The following SOX5 variants were observed in gnomAD, a reference collection of about 807,000 sequenced individuals.
SOX5 encodes transcription factor SOX-5.
SOX5 carries 9 observed loss-of-function variants against 92.0 expected under a neutral mutation model. The ratio of observed to expected loss-of-function variants is 0.10; its 90% confidence interval spans 0.06 to 0.17. SOX5 has a LOEUF of 0.17. Ranked by LOEUF, SOX5 falls within the 10% of genes least tolerant of loss-of-function variation. SOX5 has a pLI of 1.00. For synonymous variants in SOX5, 344 were observed against 336.3 expected, an observed-to-expected ratio of 1.02 and a Z score of -0.25; for missense variants, 642 against 944.5, an observed-to-expected ratio of 0.68 and a Z score of 4.20.
At chr12:23,826,343 A>G (rs546176163) in intron 3 of SOX5, among the ~76,000 whole-genome samples, 1 of 152,190 alleles carries the variant, frequency 6.6e-6, no homozygotes, top group Non-Finnish European at 1.5e-5. Context: ...TTCATTTCTA[A>G]TGATTCCCAT....
At chr12:24,094,335 T>C (rs1222976556) in intron 4 of SOX5, among the ~76,000 whole-genome samples, 2 of 152,208 alleles carry the variant, frequency 1.3e-5, no homozygotes, top group Non-Finnish European at 2.9e-5. Context: ...TTCCATAAAA[T>C]GTCTGTTTAT....
intron 4 of SOX5, among the ~76,000 whole-genome samples, chr12:24,177,389 T>C (rs895570892): frequency 2.6e-5 from 4 of 152,184 alleles, no homozygotes; most frequent in Non-Finnish European, 5.9e-5. Context: ...TCATCATAAA[T>C]ACCCTAGAAA....
intron 7 of SOX5, among the ~76,000 whole-genome samples, chr12:23,643,904 T>A (rs754398974): frequency 6.6e-6 from 1 of 152,124 alleles, no homozygotes; most frequent in African/African-American, 2.4e-5. Context: ...AGCATTAGCA[T>A]CACCTGGAGT....
At chr12:23,961,322 A>G (rs972163519) in intron 4 of SOX5, among the ~76,000 whole-genome samples, 4 of 152,156 alleles carry the variant, frequency 2.6e-5, no homozygotes, top group Non-Finnish European at 5.9e-5. Context: ...GAAAACTGAC[A>G]TTATAAATCA....
intron 1 of SOX5, among the ~76,000 whole-genome samples, chr12:24,405,457 C>T (rs554794116): frequency 2.0e-5 from 3 of 152,138 alleles, no homozygotes; most frequent in South Asian, 4.2e-4. Flanking sequence ...TTGTGAGGTT[C>T]GAAAGCCTAA....
At chr12:23,782,457 A>C (rs1388885814) in intron 3 of SOX5, among the ~76,000 whole-genome samples, 1 of 152,178 alleles carries the variant, frequency 6.6e-6, no homozygotes, top group African/African-American at 2.4e-5. Context: ...GAAAGTGTTA[A>C]CGTATCCAAA....
intron 3 of SOX5, among the ~76,000 whole-genome samples, chr12:24,264,567 T>C (rs1942734193): frequency 6.6e-6 from 1 of 152,204 alleles, no homozygotes; most frequent in Non-Finnish European, 1.5e-5. Flanking sequence ...AGTTATCAAA[T>C]GTATTTATCT....
intron 4 of SOX5, among the ~76,000 whole-genome samples, chr12:24,028,982 AT>A (rs1955190500): frequency 6.6e-6 from 1 of 152,044 alleles, no homozygotes; most frequent in Non-Finnish European, 1.5e-5. Flanking sequence ...AGCAAAACCA[AT>A]TACATTTCAA....
At chr12:24,129,497 T>C (rs1347688478) in intron 4 of SOX5, among the ~76,000 whole-genome samples, 1 of 152,150 alleles carries the variant, frequency 6.6e-6, no homozygotes, top group East Asian at 1.9e-4. Context: ...CTGAACTCAG[T>C]GGCCTCAACA....
intron 6 of SOX5, among the ~76,000 whole-genome samples, chr12:23,689,194 A>T (rs976642716): frequency 6.6e-6 from 1 of 152,038 alleles, no homozygotes; most frequent in Non-Finnish European, 1.5e-5. Flanking sequence ...CTCCCCAACC[A>T]TTTGGCTACA....
chr12:24,503,242 AT>A (rs886221164), intron 1 of SOX5, among the ~76,000 whole-genome samples: 2 of 152,200 alleles, frequency 1.3e-5, no homozygotes, highest in African/African-American at 2.4e-5. Flanking sequence ...TGTCAAAAAC[AT>A]TTTTTTAGCC....
chr12:24,269,691 T>TC (rs1167155809), intron 3 of SOX5, among the ~76,000 whole-genome samples: 33 of 145,040 alleles, frequency 2.3e-4, no homozygotes, highest in African/African-American at 8.3e-4. Context: ...TTTTATTCTT[T>TC]TTTTTTTTTT....
At chr12:23,541,817 ATAAAAACATACG>A (rs1942108459) in intron 13 of SOX5, among the ~76,000 whole-genome samples, 1 of 152,180 alleles carries the variant, frequency 6.6e-6, no homozygotes, top group South Asian at 2.1e-4. Flanking sequence ...ATATGGGATC[ATAAAAACATACG>A]GCCGGGCGTG....
rs78219313 is a variant in SOX5 at position 24,295,596 on chromosome 12, C to T, written c.-173-18284G>A. Among the ~76,000 whole-genome samples, 419 of 152,306 alleles carry T rather than the reference C, an allele frequency of 2.8e-3. 4 individuals carry two copies. Among genetic ancestry groups the T allele is most frequent in the African/African-American group, 9.4e-3 (391 of 41,556 alleles). On this transcript the variant is annotated intron_variant, in intron 2 of 4. Transcript: ENST00000446891. ...TTTGTTTGTTTGGAATGGAGTCTTG[C>T]TCTCTCAGCCACGCTAGAGTTCAGT...
At chr12:23,927,736 G>A (rs768855879) in intron 1 of SOX5, among the ~76,000 whole-genome samples, 24 of 151,496 alleles carry the variant, frequency 1.6e-4, no homozygotes, top group Non-Finnish European at 2.7e-4. Flanking sequence ...ATAGTACTTC[G>A]GCTTGATTGC....
At chr12:24,101,374 C>A (rs1261632457) in intron 4 of SOX5, among the ~76,000 whole-genome samples, 4 of 152,074 alleles carry the variant, frequency 2.6e-5, no homozygotes, top group Non-Finnish European at 2.9e-5. Flanking sequence ...CATTTGTATT[C>A]TTCAGTTCAA....
chr12:24,489,178 A>G (rs1225857121), intron 1 of SOX5, among the ~76,000 whole-genome samples: 1 of 152,228 alleles, frequency 6.6e-6, no homozygotes. Context: ...TTGCACTCAG[A>G]TTTTCAGTTA....
intron 2 of SOX5, chr12:24,367,834 A>G (rs1261195490): frequency 6.6e-6 from 1 of 152,104 alleles, no homozygotes; most frequent in Admixed American, 6.5e-5. Context: ...ATTAAGTTCA[A>G]CTTAAATTTC....
chr12:24,120,466 T>C (rs1948494300), intron 4 of SOX5, among the ~76,000 whole-genome samples: 1 of 152,212 alleles, frequency 6.6e-6, no homozygotes, highest in African/African-American at 2.4e-5. Context: ...AAAAGTGCTT[T>C]TGGTATCTAG....
Sources: gnomAD v4.1 joint callset for allele counts (sites outside exome capture counted in the v4.1 genomes callset) on GRCh38, gnomAD v4.1.1 for gene constraint, MANE v1.5 for transcripts, NCBI Gene and HGNC (gene_info 2026-07-23, HGNC 2026-07-21) for gene names.